Variants in TRMU observed in about 807,000 individuals in gnomAD.
TRMU encodes tRNA mitochondrial 2-thiouridylase.
A neutral mutation model predicts 46.9 loss-of-function variants in TRMU; 49 were observed. That is an observed-to-expected ratio of 1.05 (90% CI 0.83 to 1.33). The LOEUF (loss-of-function observed/expected upper bound fraction) is 1.33, where lower values mean the gene tolerates loss of function less well. Ranked by LOEUF, TRMU falls within the 40% of genes most tolerant of loss-of-function variation. The pLI is 0.00. For missense variants in TRMU, 572 were observed against 532.4 expected, an observed-to-expected ratio of 1.07 and a Z score of -0.73; for synonymous variants, 241 against 200.9, an observed-to-expected ratio of 1.20 and a Z score of -1.69.
chr22:46,343,000 A>C lies in TRMU; in HGVS notation c.249-262A>C, dbSNP rs1601947532. ...AGTGAGACCCTCACGGCCACTCCCCACTCCTGACCCCATAAGCCCTGTGAG... is the reference window on the plus strand; with the variant it reads ...AGTGAGACCCTCACGGCCACTCCCCCCTCCTGACCCCATAAGCCCTGTGAG... On this transcript the variant is annotated intron_variant, in intron 2 of 10. Coordinates refer to ENST00000645190, the MANE Select transcript of TRMU (RefSeq NM_018006.5). The surrounding 1 kb of genome is among the most constrained non-coding windows in gnomAD (Gnocchi z 4.7). Among the ~76,000 whole-genome samples the C allele has an allele frequency of 6.6e-6, 1 of 151,802 alleles. No individual in the cohort carries two copies. The highest frequency in any genetic ancestry group is 6.6e-5 in the Admixed American group (1 of 15,244).
rs917638951 is a variant in TRMU, at chr22:46,338,118, G to A, written c.248+174G>A. The A allele has an allele frequency of 3.6e-6, 3 of 828,554 alleles. No individual in the cohort carries two copies. Among genetic ancestry groups the A allele is most frequent in the South Asian group, 1.5e-5 (1 of 67,576 alleles). 51.3% of individuals were successfully genotyped at this position (828,554 alleles called of 1,614,324 possible). On this transcript the variant is annotated intron_variant, in intron 2 of 10. Transcript: ENST00000645190. The surrounding 1 kb of genome is among the most constrained non-coding windows in gnomAD (Gnocchi z 4.5). The stretch of plus-strand genomic sequence containing the variant: ...ACCCTCGGGGCTCTGTGTTAGAGGC[G>A]AGGCCTGGACCCCACAGCACACCCA...
rs771392267 is a variant in TRMU, at chr22:46,353,781, A to G, written c.787A>G (p.Thr263Ala). 1 of 1,613,740 alleles carries G rather than the reference A, an allele frequency of 6.2e-7. No homozygotes were observed. Among genetic ancestry groups the G allele is most frequent in the East Asian group, 2.2e-5 (1 of 44,878 alleles). Residue 263 changes from threonine to alanine, a missense_variant, in exon 8 of 11, where the codon ACC (threonine) becomes GCC (alanine). Physicochemically the swap from Thr to Ala is moderately conservative, Grantham distance 58. Transcript: ENST00000645190. The part of the protein sequence containing the change: ...LGTHKGWFLY[T>A]LGQRANIGGL... Reference sequence around the variant, plus strand: ...TCTTTCTGTAGGTTGGTTCCTGTATACCTTGGGCCAGAGAGCAAACATAGG... The same window carrying G: ...TCTTTCTGTAGGTTGGTTCCTGTATGCCTTGGGCCAGAGAGCAAACATAGG...
At position 46,349,164 on chromosome 22, in the gene TRMU, G is replaced by A. The variant is rs1425072799; in HGVS notation, c.479-1127G>A. ...AAAAAAAAAAAAAAAGTGGACTCTG[G>A]AAAGTGCTCTGCTTCCGTGGCGACT... On this transcript the variant is annotated intron_variant, in intron 4 of 10. Transcript: ENST00000645190. This position sits in a 1 kb window ranked among gnomAD's most constrained non-coding sequence, Gnocchi z 4.6. 6.6e-6 allele frequency among the ~76,000 whole-genome samples: 1 copy of A among 151,974 alleles called. No individual in the cohort carries two copies. Among genetic ancestry groups the A allele is most frequent in the Non-Finnish European group, 1.5e-5 (1 of 67,970 alleles).
rs555828783 is a variant in TRMU at position 46,336,788 on chromosome 22, G to A, written c.82+942G>A. ...CATAAGCAGAAATAGTTGTGAGGAA[G>A]GGAGAGTGGAGGAAAGCATCCTAGA... is the stretch of plus-strand genomic sequence containing the variant. On this transcript the variant is annotated intron_variant, in intron 1 of 10. Coordinates refer to ENST00000645190, the MANE Select transcript of TRMU (RefSeq NM_018006.5). The surrounding 1 kb of genome is among the most constrained non-coding windows in gnomAD (Gnocchi z 4.1). 6.6e-6 allele frequency: 1 copy of A among 152,436 alleles called. No homozygotes were observed. Among genetic ancestry groups the A allele is most frequent in the East Asian group, 1.9e-4 (1 of 5,178 alleles). 9.4% of individuals were successfully genotyped at this position (152,436 alleles called of 1,614,324 possible).
At position 46,342,819 on chromosome 22, in the gene TRMU, A is replaced by G. The variant is rs555886888; in HGVS notation, c.249-443A>G. Among the ~76,000 whole-genome samples, 13 of 152,396 alleles carry G rather than the reference A, an allele frequency of 8.5e-5. No individual in the cohort carries two copies. In the East Asian group the frequency reaches 2.3e-3, roughly 27 times the overall value. ...CTAAAAATACAAAAATTATCTGGGC[A>G]TGGTGCTGCGCACCTGTAATCACAG... On this transcript the variant is annotated intron_variant, in intron 2 of 10. Transcript: ENST00000645190. This position sits in a 1 kb window ranked among gnomAD's most constrained non-coding sequence, Gnocchi z 4.7.
chr22:46,339,303 C>G lies in TRMU; in HGVS notation c.248+1359C>G, dbSNP rs2078059928. On this transcript the variant is annotated intron_variant, in intron 2 of 10. Transcript: ENST00000645190. This position sits in a 1 kb window ranked among gnomAD's most constrained non-coding sequence, Gnocchi z 4.8. The stretch of plus-strand genomic sequence containing the variant: ...TAGCTGGGATTATAGGCATGCACCA[C>G]CACGCCCGGATAATTTTTGTATTTT... Among the ~76,000 whole-genome samples, 1 of 152,212 alleles carries G rather than the reference C, an allele frequency of 6.6e-6. No homozygotes were observed. Among genetic ancestry groups the G allele is most frequent in the Admixed American group, 6.5e-5 (1 of 15,282 alleles).
At position 46,350,575 on chromosome 22, in the gene TRMU, C is replaced by A; in HGVS notation, c.651+112C>A. ...CCACTTCCCCTTCTCCAGGACCTAA[C>A]ATCAAAGGCGGGCCTTGGAGCAATA... On this transcript the variant is annotated intron_variant, in intron 5 of 10. Coordinates refer to ENST00000645190, the MANE Select transcript of TRMU (RefSeq NM_018006.5). The surrounding 1 kb of genome is among the most constrained non-coding windows in gnomAD (Gnocchi z 4.6). 1 of 1,355,258 alleles carries A rather than the reference C, an allele frequency of 7.4e-7. No individual in the cohort carries two copies. The highest frequency in any genetic ancestry group is 1.0e-6 in the Non-Finnish European group (1 of 958,422). The allele number at this position is 1,355,258 out of a possible 1,614,324, so 84.0% of individuals were successfully genotyped here. A position where few individuals can be genotyped will look rare whatever the true frequency, so the allele number is the denominator to read the frequency against.
Position 46,336,129 on chromosome 22 carries a change from TG to T in TRMU, c.82+287del. ...ACAGTGAGAAGCCGGCGGGCCGGGGTGGGGTGGGGAGGGAAGGGTTTCTCAC... is the reference window on the plus strand; with the variant it reads ...ACAGTGAGAAGCCGGCGGGCCGGGGTGGGTGGGGAGGGAAGGGTTTCTCAC... On this transcript the variant is annotated intron_variant, in intron 1 of 10. Coordinates refer to ENST00000645190, the MANE Select transcript of TRMU (RefSeq NM_018006.5). This position sits in a 1 kb window ranked among gnomAD's most constrained non-coding sequence, Gnocchi z 4.1. 2 of 1,314,154 alleles carry T rather than the reference TG, an allele frequency of 1.5e-6. No individual in the cohort carries two copies. The highest frequency in any genetic ancestry group is 1.7e-5 in the South Asian group (1 of 60,052). The allele number at this position is 1,314,154 out of a possible 1,614,324, so 81.4% of individuals were successfully genotyped here.
chr22:46,343,979 G>A (rs1203048482), intron 3 of TRMU, among the ~76,000 whole-genome samples: 1 of 152,128 alleles, frequency 6.6e-6, no homozygotes, highest in Non-Finnish European at 1.5e-5. Context: ...CTGAGTTGAT[G>A]ATAATGATGA....
chr22:46,351,919 A>C lies in TRMU; in HGVS notation c.652-202A>C. 3 of 712,400 alleles carry C rather than the reference A, an allele frequency of 4.2e-6. No homozygotes were observed. The highest frequency in any genetic ancestry group is 3.0e-5 in the South Asian group (2 of 66,500). 44.1% of individuals were successfully genotyped at this position (712,400 alleles called of 1,614,324 possible). A position where few individuals can be genotyped will look rare whatever the true frequency, so the allele number is the denominator to read the frequency against. The stretch of plus-strand genomic sequence containing the variant: ...GGGTCAGACCCCGCGGGCCGAGACA[A>C]TGAGGCGTTCTCTAAGGCTCTGGCA... On this transcript the variant is annotated intron_variant, in intron 5 of 10. Transcript: ENST00000645190. This position sits in a 1 kb window ranked among gnomAD's most constrained non-coding sequence, Gnocchi z 6.4.
At position 46,356,780 on chromosome 22, in the gene TRMU, C is replaced by A. The variant is rs963974633; in HGVS notation, c.1102-62C>A. 2.1e-5 allele frequency: 34 copies of A among 1,597,198 alleles called. No individual in the cohort carries two copies. In the African/African-American group the frequency reaches 3.2e-4, roughly 15 times the overall value. ...CCAGGCCCCATAGGGGAGCACTCTG[C>A]CCCTGCCTGCCCTCGGCTGGCTCCC... is the stretch of plus-strand genomic sequence containing the variant. On this transcript the variant is annotated intron_variant, in intron 10 of 10. Transcript: ENST00000645190.
intron 4 of TRMU, 57 bp downstream of exon 4, chr22:46,346,601 G>C (rs1257832893): frequency 2.5e-6 from 4 of 1,583,418 alleles, no homozygotes; most frequent in Non-Finnish European, 3.4e-6. Flanking sequence ...GAAATCTTTG[G>C]AGGAATGACA....
At position 46,343,252 on chromosome 22, in the gene TRMU, TTTATTC is replaced by T; in HGVS notation, c.249-8_249-3del. On this transcript the variant is annotated splice_region_variant and splice_polypyrimidine_tract_variant and intron_variant, in intron 2 of 10. Coordinates refer to ENST00000645190, the MANE Select transcript of TRMU (RefSeq NM_018006.5). ...ACACTTGGAACTGAAGTCATTTTCT[TTTATTC>T]TAGTGACTTTTTGAATGAGTATGAA... 2.5e-6 allele frequency: 4 copies of T among 1,600,960 alleles called. No homozygotes were observed. Among genetic ancestry groups the T allele is most frequent in the Non-Finnish European group, 3.4e-6 (4 of 1,168,728 alleles).
intron 1 of TRMU, 26 bp downstream of exon 1, chr22:46,335,872 C>T: frequency 1.8e-5 from 27 of 1,533,902 alleles, no homozygotes; most frequent in Middle Eastern, 1.7e-4. Context: ...CTCCCGCCCC[C>T]CGCCGAGCGA....
rs1306234475 is a variant in TRMU, at chr22:46,352,189, T to C, written c.705+15T>C. ...TCCTTCTTCAGGTGCGTGCTGCTCT[T>C]TGACACAAAGAGATGGGGCTGCGTG... On this transcript the variant is annotated intron_variant, in intron 6 of 10. Transcript: ENST00000645190. 3.1e-6 allele frequency: 5 copies of C among 1,614,194 alleles called. No homozygotes were observed. The highest frequency in any genetic ancestry group is 1.3e-5 in the African/African-American group (1 of 75,050).
chr22:46,356,520 C>A, intron 10 of TRMU: 1 of 448,596 alleles, frequency 2.2e-6, no homozygotes, highest in Non-Finnish European at 4.1e-6. Flanking sequence ...CCTCTGGCTG[C>A]CACCATGCTC....
chr22:46,337,837 C>T lies in TRMU; in HGVS notation c.141C>T (p.Val47=). Residue 47 remains valine, a synonymous_variant, in exon 2 of 11, where the codon GTC becomes GTT. Coordinates refer to ENST00000645190, the MANE Select transcript of TRMU (RefSeq NM_018006.5). ...KNWDSLDEHG[V]CTADKDCEDA... ...GGGACTCACTGGATGAACATGGGGTCTGTACTGCCGACAAAGACTGTGAAG... is the reference window on the plus strand; with the variant it reads ...GGGACTCACTGGATGAACATGGGGTTTGTACTGCCGACAAAGACTGTGAAG... The T allele has an allele frequency of 6.2e-7, 1 of 1,614,224 alleles. No individual in the cohort carries two copies. Among genetic ancestry groups the T allele is most frequent in the Non-Finnish European group, 8.5e-7 (1 of 1,180,038 alleles).
Position 46,351,131 on chromosome 22 carries a change from G to A in TRMU, c.651+668G>A, listed in dbSNP as rs2078409651. ...AGTCACATGGAACCTGAGACCTGAA[G>A]GAGGAGAGGATCCGGTGTCCCAGAG... On this transcript the variant is annotated intron_variant, in intron 5 of 10. Transcript: ENST00000645190. This position sits in a 1 kb window ranked among gnomAD's most constrained non-coding sequence, Gnocchi z 6.4. Among the ~76,000 whole-genome samples the A allele has an allele frequency of 6.6e-6, 1 of 152,216 alleles. No homozygotes were observed. Among genetic ancestry groups the A allele is most frequent in the Admixed American group, 6.5e-5 (1 of 15,288 alleles).
Position 46,355,999 on chromosome 22 carries a change from T to C in TRMU, c.1028T>C (p.Val343Ala). ...FRHQMALVPC[V>A]LTLNQDGTVW... The stretch of plus-strand genomic sequence containing the variant: ...CCTCTCTTCTACCCAGTGCCCTGTG[T>C]GCTGACCCTCAATCAAGATGGCACC... Residue 343 changes from valine (V) to alanine (A), a missense_variant, in exon 10 of 11, where the codon GTG becomes GCG. By Grantham distance (64) the Val-to-Ala change is moderately conservative (BLOSUM62 0). Coordinates refer to ENST00000645190, the MANE Select transcript of TRMU (RefSeq NM_018006.5). The C allele has an allele frequency of 3.1e-6, 5 of 1,613,964 alleles. No individual in the cohort carries two copies. In the South Asian group the frequency reaches 5.5e-5, roughly 18 times the overall value.
Sources: allele counts gnomAD v4.1 joint callset (sites outside exome capture counted in the v4.1 genomes callset), GRCh38; gene constraint gnomAD v4.1.1; non-coding constraint Gnocchi (gnomAD v3.1); transcripts MANE v1.5; gene names NCBI Gene and HGNC (gene_info 2026-07-23, HGNC 2026-07-21).